Variants in MGAT3 observed in about 807,000 individuals in gnomAD.
The protein encoded by MGAT3 is beta-1,4-mannosyl-glycoprotein 4-beta-N-acetylglucosaminyltransferase, also known as GlcNAc-T III.
MGAT3 carries 9 observed loss-of-function variants against 29.8 expected under a neutral mutation model. That is an observed-to-expected ratio of 0.30 (90% CI 0.18 to 0.53). The LOEUF is 0.53. Among genes scored for constraint, MGAT3 ranks in the 20% least tolerant of loss-of-function variants. The pLI, the probability that MGAT3 is intolerant of heterozygous loss-of-function variation, is 0.96. For missense variants in MGAT3, 557 were observed against 769.5 expected (o/e 0.72, Z 3.27); for synonymous variants, 397 against 348.9 (o/e 1.14, Z -1.54).
At chr22:39,465,370 C>T (rs940806040) in intron 1 of MGAT3, among the ~76,000 whole-genome samples, 12 of 152,108 alleles carry the variant, frequency 7.9e-5, no homozygotes, top group African/African-American at 2.9e-4. Flanking sequence ...GGGCTGATAC[C>T]CTGGGCTCAG....
rs1929409386 is a variant in MGAT3 at position 39,490,009 on chromosome 22, C to T, written c.*1060C>T. 6.0e-6 allele frequency: 1 copy of T among 167,366 alleles called. No individual in the cohort carries two copies. Among genetic ancestry groups the T allele is most frequent in the South Asian group, 2.1e-4 (1 of 4,838 alleles). 10.4% of individuals were successfully genotyped at this position (167,366 alleles called of 1,614,324 possible). A position where few individuals can be genotyped will look rare whatever the true frequency, so the allele number is the denominator to read the frequency against. ...GGCCAGTTGTATGCTTCCTGTTCCT[C>T]ATAGCTTGCCTTGGTGGGGATGTCT... On this transcript the variant is annotated 3_prime_UTR_variant, in exon 2 of 2. Transcript: ENST00000341184.
intron 1 of MGAT3, among the ~76,000 whole-genome samples, chr22:39,479,750 T>A (rs1929072094): frequency 6.6e-6 from 1 of 152,122 alleles, no homozygotes; most frequent in African/African-American, 2.4e-5. Flanking sequence ...GCCACACAGA[T>A]AGGAGTGGCA....
chr22:39,477,671 T>G (rs1471977567), intron 1 of MGAT3: 1 of 152,092 alleles, frequency 6.6e-6, no homozygotes, highest in Non-Finnish European at 1.5e-5. Context: ...GAGGGTGACA[T>G]CTTTCTTTTA....
Position 39,488,145 on chromosome 22 carries a change from C to T in MGAT3, c.798C>T (p.Arg266=). ...CCAATGGCACCTTCGAGTACATCCG[C>T]CACAAGGTGCTCTATGTCTTCCTGG... is the stretch of plus-strand genomic sequence containing the variant. ...MLTNGTFEYI[R]HKVLYVFLDH... The change falls in exon 2 of 2, where the codon CGC becomes CGT. Residue 266 remains arginine, a synonymous_variant. Transcript: ENST00000341184. 1 of 1,613,168 alleles carries T rather than the reference C, an allele frequency of 6.2e-7. No homozygotes were observed. The highest frequency in any genetic ancestry group is 8.5e-7 in the Non-Finnish European group (1 of 1,179,952).
At chr22:39,480,175 C>G (rs752610456) in intron 1 of MGAT3, among the ~76,000 whole-genome samples, 1 of 152,122 alleles carries the variant, frequency 6.6e-6, no homozygotes. Context: ...GGGAGGCTAT[C>G]TTGGCACAGA....
chr22:39,472,057 C>G (rs1928826738), intron 1 of MGAT3, among the ~76,000 whole-genome samples: 1 of 151,990 alleles, frequency 6.6e-6, no homozygotes, highest in Admixed American at 6.5e-5. Flanking sequence ...CAGCCTCCTT[C>G]CAGGGTAGGG....
Position 39,488,946 on chromosome 22 carries a change from C to A in MGAT3, c.1599C>A (p.Val533=). The change falls in exon 2 of 2, where the codon GTC becomes GTA. Residue 533 remains valine, a synonymous_variant. Coordinates refer to ENST00000341184, the MANE Select transcript of MGAT3 (RefSeq NM_002409.5). ...PARGKLDEAE[V] ...GGGGCAAACTGGACGAGGCGGAAGT[C>A]TAGAGCTGCATGATCTGATAGGGTT... 1 of 1,604,344 alleles carries A rather than the reference C, an allele frequency of 6.2e-7. No individual in the cohort carries two copies. Among genetic ancestry groups the A allele is most frequent in the East Asian group, 2.2e-5 (1 of 44,516 alleles).
intron 1 of MGAT3, among the ~76,000 whole-genome samples, chr22:39,462,583 G>A (rs556228075): frequency 2.6e-5 from 4 of 152,294 alleles, no homozygotes; most frequent in South Asian, 2.1e-4. Flanking sequence ...TGTCCCCACC[G>A]CCAGGAAGGG....
At chr22:39,478,897 G>A (rs1169840209) in intron 1 of MGAT3, among the ~76,000 whole-genome samples, 2 of 152,220 alleles carry the variant, frequency 1.3e-5, no homozygotes, top group Admixed American at 6.5e-5. Context: ...GGAAGAGGGA[G>A]GGAAAGAAGG....
intron 1 of MGAT3, among the ~76,000 whole-genome samples, chr22:39,483,705 C>T (rs1929191911): frequency 1.3e-5 from 2 of 152,260 alleles, no homozygotes; most frequent in South Asian, 4.2e-4. Flanking sequence ...CTCACTTTGC[C>T]AGACAAGGGC....
intron 1 of MGAT3, among the ~76,000 whole-genome samples, chr22:39,467,196 G>A (rs1449028702): frequency 6.6e-6 from 1 of 152,248 alleles, no homozygotes; most frequent in African/African-American, 2.4e-5. Flanking sequence ...TTGACAGAGT[G>A]CCCACCAAGC....
chr22:39,487,947 G>T lies in MGAT3; in HGVS notation c.600G>T (p.Val200=). The change falls in exon 2 of 2, where the codon GTG becomes GTT. Residue 200 remains valine (V), a synonymous_variant. Coordinates refer to ENST00000341184, the MANE Select transcript of MGAT3 (RefSeq NM_002409.5). This position sits in a 1 kb window ranked among gnomAD's most constrained non-coding sequence, Gnocchi z 5.7. ...ACCTGCCCACCAAGGAGCGGCTGGT[G>T]CCCAGGGAGGTGCCGCGCCGCGTCA... ...YSNLPTKERL[V]PREVPRRVIN... 6.2e-7 allele frequency: 1 copy of T among 1,610,370 alleles called. No individual in the cohort carries two copies. Among genetic ancestry groups the T allele is most frequent in the Non-Finnish European group, 8.5e-7 (1 of 1,179,134 alleles).
chr22:39,488,451 C>G lies in MGAT3; in HGVS notation c.1104C>G (p.Asp368Glu). 3 of 1,612,970 alleles carry G rather than the reference C, an allele frequency of 1.9e-6. No homozygotes were observed. The South Asian group carries it at 3.3e-5, about 18-fold the overall frequency. ...TLEVVSGCTV[D>E]MLQAVYGLDG... Reference sequence around the variant, plus strand: ...AGGTGGTGTCAGGCTGCACGGTGGACATGCTGCAGGCAGTGTATGGGCTGG... The same window carrying G: ...AGGTGGTGTCAGGCTGCACGGTGGAGATGCTGCAGGCAGTGTATGGGCTGG... The change falls in exon 2 of 2, where the codon GAC becomes GAG. Residue 368 changes from aspartate to glutamate, a missense_variant. Asp to Glu is a conservative substitution (Grantham distance 45, BLOSUM62 2). Coordinates refer to ENST00000341184, the MANE Select transcript of MGAT3 (RefSeq NM_002409.5).
chr22:39,467,742 G>C (rs8135274), intron 1 of MGAT3, among the ~76,000 whole-genome samples: 2 of 140,644 alleles, frequency 1.4e-5, no homozygotes, highest in African/African-American at 2.7e-5. Context: ...GTTTCGTTTC[G>C]TTTCTTTCAG....
Position 39,489,336 on chromosome 22 carries a change from C to CGG in MGAT3, c.*387_*388insGG, listed in dbSNP as rs754050367. ...GGGGTGGCCAGGCCGGGAAAAAGCCCACCATTTGGCATCCCTGGGCCTTGG... is the reference window on the plus strand; with the variant it reads ...GGGGTGGCCAGGCCGGGAAAAAGCCCGGACCATTTGGCATCCCTGGGCCTTGG... On this transcript the variant is annotated 3_prime_UTR_variant, in exon 2 of 2. Transcript: ENST00000341184. 6.9e-5 allele frequency: 18 copies of CGG among 260,078 alleles called. No homozygotes were observed. Among genetic ancestry groups the CGG allele is most frequent in the Non-Finnish European group, 1.3e-4 (16 of 126,234 alleles). 16.1% of individuals were successfully genotyped at this position (260,078 alleles called of 1,614,324 possible).
chr22:39,479,748 G>A (rs1370013862), intron 1 of MGAT3, among the ~76,000 whole-genome samples: 1 of 152,268 alleles, frequency 6.6e-6, no homozygotes, highest in African/African-American at 2.4e-5. Context: ...AGGCCACACA[G>A]ATAGGAGTGG....
chr22:39,468,447 C>T (rs1479242468), intron 1 of MGAT3, among the ~76,000 whole-genome samples: 3 of 152,244 alleles, frequency 2.0e-5, no homozygotes, highest in Non-Finnish European at 4.4e-5. Flanking sequence ...CTTCCTTTCC[C>T]ACCGTCTTCC....
intron 1 of MGAT3, among the ~76,000 whole-genome samples, chr22:39,479,341 C>T (rs1282859507): frequency 1.3e-5 from 2 of 152,158 alleles, no homozygotes; most frequent in African/African-American, 2.4e-5. Flanking sequence ...AGACAAAACC[C>T]TGTCTAAAAA....
chr22:39,470,245 G>T (rs2031009304), intron 1 of MGAT3, among the ~76,000 whole-genome samples: 1 of 152,232 alleles, frequency 6.6e-6, no homozygotes, highest in Admixed American at 6.5e-5. Context: ...CTTGCGGGCG[G>T]GGGCAGCACT....
Sources: gnomAD v4.1 joint callset for allele counts (sites outside exome capture counted in the v4.1 genomes callset) on GRCh38, gnomAD v4.1.1 for gene constraint, Gnocchi (gnomAD v3.1) non-coding constraint, MANE v1.5 for transcripts, NCBI Gene and HGNC (gene_info 2026-07-23, HGNC 2026-07-21) for gene names.